Variants in PRKCA observed in about 807,000 individuals in gnomAD.
PRKCA encodes protein kinase C alpha type.
In PRKCA, 27 loss-of-function variants were observed where a neutral mutation model predicts 87.0. The observed-to-expected ratio is 0.31, with a 90% CI of 0.23 to 0.43. PRKCA has a LOEUF of 0.43. Among genes scored for constraint, PRKCA ranks in the 20% least tolerant of loss-of-function variants. PRKCA has a pLI of 1.00. For synonymous variants in PRKCA, 329 were observed against 311.1 expected (o/e 1.06, Z -0.61); for missense variants, 518 against 852.3 (o/e 0.61, Z 4.88).
At chr17:66,783,217 C>T (rs374178805) in intron 14 of PRKCA, among the ~76,000 whole-genome samples, 1 of 152,290 alleles carries the variant, frequency 6.6e-6, no homozygotes, top group East Asian at 1.9e-4. Context: ...TTCCACCAGG[C>T]AAGCCTAAGA....
chr17:66,408,840 C>CTAGGAG (rs1215892556), intron 2 of PRKCA, among the ~76,000 whole-genome samples: 4 of 151,128 alleles, frequency 2.6e-5, no homozygotes, highest in Admixed American at 6.6e-5. Context: ...GATCACAAGG[C>CTAGGAG]TAGGAGTTCA....
chr17:66,546,014 C>T (rs990518204), intron 3 of PRKCA, among the ~76,000 whole-genome samples: 4 of 152,050 alleles, frequency 2.6e-5, no homozygotes, highest in South Asian at 4.2e-4. Context: ...CGTTTTTTAT[C>T]CTTTTACTTT....
At position 66,767,389 on chromosome 17, in the gene PRKCA, G is replaced by A. The variant is rs114062998; in HGVS notation, c.1525-6598G>A. 7.1e-3 allele frequency among the ~76,000 whole-genome samples: 1,081 copies of A among 152,266 alleles called. 14 individuals are homozygous for A. Among genetic ancestry groups the A allele is most frequent in the African/African-American group, 0.025 (1,053 of 41,546 alleles). The stretch of plus-strand genomic sequence containing the variant: ...GAAGACGGACTGTAATAACAACTCT[G>A]CATCATCAGATTACACAAGATGTGT... On this transcript the variant is annotated intron_variant, in intron 13 of 16. Coordinates refer to ENST00000413366, the MANE Select transcript of PRKCA (RefSeq NM_002737.3).
chr17:66,757,394 C>G (rs568855580), intron 13 of PRKCA, among the ~76,000 whole-genome samples: 1 of 152,112 alleles, frequency 6.6e-6, no homozygotes, highest in East Asian at 1.9e-4. Context: ...ATCACAGATC[C>G]AGGAAGCTCA....
intron 3 of PRKCA, among the ~76,000 whole-genome samples, chr17:66,620,909 T>A (rs1970660969): frequency 6.6e-6 from 1 of 152,200 alleles, no homozygotes. Flanking sequence ...CATCTGAAAA[T>A]AACTCAGCTC....
chr17:66,665,136 G>T (rs944426918), intron 5 of PRKCA, among the ~76,000 whole-genome samples: 1 of 152,160 alleles, frequency 6.6e-6, no homozygotes, highest in African/African-American at 2.4e-5. Flanking sequence ...GATAATTACA[G>T]AAGTTAAGAG....
At chr17:66,424,854 A>G (rs558021165) in intron 2 of PRKCA, among the ~76,000 whole-genome samples, 2 of 150,410 alleles carry the variant, frequency 1.3e-5, no homozygotes, top group South Asian at 4.2e-4. Context: ...GGCTCAAGCG[A>G]TTCTCCCGCC....
At chr17:66,606,362 A>G (rs1409727387) in intron 3 of PRKCA, among the ~76,000 whole-genome samples, 3 of 152,228 alleles carry the variant, frequency 2.0e-5, no homozygotes, top group Non-Finnish European at 4.4e-5. Context: ...ACTGCACTTC[A>G]GTCTGGTAAC....
intron 2 of PRKCA, among the ~76,000 whole-genome samples, chr17:66,331,812 C>G (rs1254694428): frequency 6.6e-6 from 1 of 152,178 alleles, no homozygotes; most frequent in East Asian, 1.9e-4. Context: ...TCTGCCCCAT[C>G]TGTATTATCT....
chr17:66,433,688 G>A (rs926336124), intron 2 of PRKCA, among the ~76,000 whole-genome samples: 2 of 152,126 alleles, frequency 1.3e-5, no homozygotes, highest in African/African-American at 2.4e-5. Context: ...GGGACTACAG[G>A]CACCCGTCAC....
intron 2 of PRKCA, among the ~76,000 whole-genome samples, chr17:66,318,732 G>C (rs1263268810): frequency 2.0e-5 from 3 of 152,068 alleles, no homozygotes; most frequent in African/African-American, 7.2e-5. Context: ...GCGGGTGCCT[G>C]TAATCCCAGT....
intron 2 of PRKCA, among the ~76,000 whole-genome samples, chr17:66,428,313 G>A (rs567945014): frequency 1.4e-4 from 21 of 152,224 alleles, no homozygotes; most frequent in African/African-American, 4.8e-4. Context: ...CCGATATCGA[G>A]CTGTCTTCAA....
In PRKCA at chr17:66,637,100, C is replaced by G. The variant is rs533599241; in HGVS notation, c.289-4255C>G. Among the ~76,000 whole-genome samples the G allele has an allele frequency of 3.9e-5, 6 of 152,292 alleles. No individual in the cohort carries two copies. The South Asian group carries it at 1.2e-3, about 32-fold the overall frequency. On this transcript the variant is annotated intron_variant, in intron 3 of 16. Coordinates refer to ENST00000413366, the MANE Select transcript of PRKCA (RefSeq NM_002737.3). ...ATGGTTTCCTCTCTTCCTACACCTC[C>G]AAACGGTGAGAACCTGAAGGTGCCA...
chr17:66,493,699 A>G (rs945209701), intron 2 of PRKCA, among the ~76,000 whole-genome samples: 1 of 152,076 alleles, frequency 6.6e-6, no homozygotes, highest in Non-Finnish European at 1.5e-5. Context: ...GGAGGATTCA[A>G]TTTGCTAATA....
chr17:66,721,313 C>A (rs541543671), intron 8 of PRKCA, among the ~76,000 whole-genome samples: 1 of 149,234 alleles, frequency 6.7e-6, no homozygotes, highest in Non-Finnish European at 1.5e-5. Flanking sequence ...AGGAGAATGG[C>A]GTGTATCCGG....
At chr17:66,564,636 A>G (rs1413499364) in intron 3 of PRKCA, among the ~76,000 whole-genome samples, 1 of 152,152 alleles carries the variant, frequency 6.6e-6, no homozygotes, top group Non-Finnish European at 1.5e-5. Context: ...AGATTTGGAT[A>G]TTATCAAATT....
chr17:66,395,107 A>C (rs1385856298), intron 2 of PRKCA, among the ~76,000 whole-genome samples: 1 of 152,126 alleles, frequency 6.6e-6, no homozygotes, highest in South Asian at 2.1e-4. Context: ...TTCTTCTCTC[A>C]CTATGATTTA....
chr17:66,576,192 G>A (rs577528196), intron 3 of PRKCA, among the ~76,000 whole-genome samples: 17 of 152,336 alleles, frequency 1.1e-4, no homozygotes, highest in African/African-American at 4.1e-4. Context: ...GCTGTGCTAT[G>A]AAGACTGTCA....
intron 2 of PRKCA, among the ~76,000 whole-genome samples, chr17:66,468,464 A>G (rs567016646): frequency 1.4e-4 from 22 of 152,184 alleles, no homozygotes; most frequent in Non-Finnish European, 2.8e-4. Context: ...TTTCCTGGCA[A>G]GTCATAATTC....
Sources: allele counts gnomAD v4.1 joint callset (sites outside exome capture counted in the v4.1 genomes callset), GRCh38; gene constraint gnomAD v4.1.1; transcripts MANE v1.5; gene names NCBI Gene and HGNC (gene_info 2026-07-23, HGNC 2026-07-21).